Variants in IMMP1L observed in about 807,000 individuals in gnomAD.
The protein encoded by IMMP1L is mitochondrial inner membrane protease subunit 1.
Under a neutral mutation model 21.8 loss-of-function variants are expected in IMMP1L, and 24 were observed. The observed-to-expected ratio is 1.10, with a 90% CI of 0.80 to 1.55. The LOEUF is 1.55. Ranked by LOEUF, IMMP1L falls within the 40% of genes most tolerant of loss-of-function variation. The probability of loss-of-function intolerance (pLI) is 0.00; values close to 1 mark genes in which losing one functional copy is unlikely to be tolerated. For missense variants in IMMP1L, 195 were observed against 200.7 expected (o/e 0.97, Z 0.17); for synonymous variants, 46 against 62.8 (o/e 0.73, Z 1.26).
chr11:31,502,614 C>A (rs987383983), intron 1 of IMMP1L, among the ~76,000 whole-genome samples: 1 of 152,016 alleles, frequency 6.6e-6, no homozygotes, highest in African/African-American at 2.4e-5. Context: ...TTATTCAAAC[C>A]GAAGGGAAAT....
At chr11:31,499,814 C>T (rs990456947) in intron 1 of IMMP1L, among the ~76,000 whole-genome samples, 5 of 151,978 alleles carry the variant, frequency 3.3e-5, no homozygotes, top group African/African-American at 1.2e-4. Flanking sequence ...CATCTGGTCC[C>T]AGAAAATGTA....
chr11:31,493,855 A>T (rs995562077), intron 1 of IMMP1L, among the ~76,000 whole-genome samples: 1 of 152,158 alleles, frequency 6.6e-6, no homozygotes, highest in Admixed American at 6.5e-5. Flanking sequence ...TTCCAAAATG[A>T]TCTCCTTTGA....
intron 1 of IMMP1L, among the ~76,000 whole-genome samples, chr11:31,503,261 A>G (rs1955678609): frequency 6.6e-6 from 1 of 152,240 alleles, no homozygotes; most frequent in Non-Finnish European, 1.5e-5. Flanking sequence ...TTATAGGAGC[A>G]GCTAGTGCAC....
chr11:31,456,133 T>G (rs1274649604), intron 4 of IMMP1L, 127 bp downstream of exon 4: 1 of 589,122 alleles, frequency 1.7e-6, no homozygotes, highest in Non-Finnish European at 2.8e-6. Context: ...TATAAACATT[T>G]AAATTCTACT....
At chr11:31,457,885 T>C (rs986081188) in intron 3 of IMMP1L, among the ~76,000 whole-genome samples, 2 of 152,198 alleles carry the variant, frequency 1.3e-5, no homozygotes, top group African/African-American at 2.4e-5. Flanking sequence ...TTCTATAATT[T>C]GGAGGCAACA....
chr11:31,471,910 T>C (rs984252481), intron 1 of IMMP1L, among the ~76,000 whole-genome samples: 1 of 152,232 alleles, frequency 6.6e-6, no homozygotes, highest in Non-Finnish European at 1.5e-5. Context: ...ACTGTTTCTT[T>C]CTAAAGGCTT....
chr11:31,491,044 G>A (rs190929680), intron 1 of IMMP1L, among the ~76,000 whole-genome samples: 1 of 152,268 alleles, frequency 6.6e-6, no homozygotes, highest in African/African-American at 2.4e-5. Flanking sequence ...CTGACAACTT[G>A]ACTTCGTATT....
chr11:31,496,161 A>C (rs890043771), intron 1 of IMMP1L, among the ~76,000 whole-genome samples: 5 of 152,148 alleles, frequency 3.3e-5, no homozygotes, highest in Non-Finnish European at 5.9e-5. Context: ...AAACCGGCAA[A>C]GGTTTTCAAA....
At chr11:31,506,113 CAA>C (rs1351748417) in intron 1 of IMMP1L, among the ~76,000 whole-genome samples, 2 of 152,172 alleles carry the variant, frequency 1.3e-5, no homozygotes, top group East Asian at 3.9e-4. Flanking sequence ...ACTGTGAACT[CAA>C]AGAGTACTGA....
At chr11:31,501,349 G>C (rs1211333108) in intron 1 of IMMP1L, among the ~76,000 whole-genome samples, 1 of 152,166 alleles carries the variant, frequency 6.6e-6, no homozygotes, top group Non-Finnish European at 1.5e-5. Context: ...GTTTAGGTCT[G>C]AGGGCTCCAC....
intron 4 of IMMP1L, among the ~76,000 whole-genome samples, chr11:31,434,146 T>C (rs900442542): frequency 6.6e-6 from 1 of 152,220 alleles, no homozygotes; most frequent in East Asian, 1.9e-4. Flanking sequence ...CAATGCATTA[T>C]ACTTCAATAA....
intron 3 of IMMP1L, 51 bp downstream of exon 3, chr11:31,460,575 G>T: frequency 1.9e-6 from 2 of 1,067,122 alleles, no homozygotes; most frequent in Non-Finnish European, 2.9e-6. Context: ...AAGCCACAAT[G>T]TGTGTGTGTA....
intron 2 of IMMP1L, among the ~76,000 whole-genome samples, chr11:31,462,719 C>A (rs1029197940): frequency 6.6e-6 from 1 of 152,134 alleles, no homozygotes; most frequent in African/African-American, 2.4e-5. Flanking sequence ...TTTCAAGTTA[C>A]TTACTAACTG....
intron 1 of IMMP1L, among the ~76,000 whole-genome samples, chr11:31,482,534 C>A (rs1314466708): frequency 6.6e-6 from 1 of 151,736 alleles, no homozygotes; most frequent in African/African-American, 2.4e-5. Flanking sequence ...GAAAAGTGGG[C>A]CAAAGAAGTG....
At chr11:31,472,202 T>C (rs1954576811) in intron 1 of IMMP1L, among the ~76,000 whole-genome samples, 1 of 152,176 alleles carries the variant, frequency 6.6e-6, no homozygotes. Context: ...TATTCAAAGG[T>C]TCTGGAGATT....
At chr11:31,483,630 G>A (rs181050744) in intron 1 of IMMP1L, among the ~76,000 whole-genome samples, 78 of 152,114 alleles carry the variant, frequency 5.1e-4, no homozygotes, top group Non-Finnish European at 9.4e-4. Flanking sequence ...TCTCCGGACT[G>A]AAGATTTGCC....
chr11:31,473,602 T>A (rs990379230), intron 1 of IMMP1L: 1 of 198,612 alleles, frequency 5.0e-6, no homozygotes, highest in African/African-American at 2.4e-5. Flanking sequence ...CTAAAAAGAT[T>A]GAGCAGAGTG....
At chr11:31,494,969 GT>G in intron 1 of IMMP1L, among the ~76,000 whole-genome samples, 1 of 152,250 alleles carries the variant, frequency 6.6e-6, no homozygotes, top group African/African-American at 2.4e-5. Context: ...TTTATGCTCT[GT>G]TTCCTCTTGA....
At chr11:31,503,042 T>C (rs546542502) in intron 1 of IMMP1L, among the ~76,000 whole-genome samples, 5 of 152,322 alleles carry the variant, frequency 3.3e-5, no homozygotes, top group Middle Eastern at 6.8e-3. Context: ...TTTCCATTTA[T>C]ACTTTAAAAT....
Sources: allele counts gnomAD v4.1 joint callset (sites outside exome capture counted in the v4.1 genomes callset), GRCh38; gene constraint gnomAD v4.1.1; transcripts MANE v1.5; gene names NCBI Gene and HGNC (gene_info 2026-07-23, HGNC 2026-07-21).